CARS2: variants seen among roughly 807,000 people sequenced by gnomAD.
CARS2 encodes probable cysteine--tRNA ligase, mitochondrial.
CARS2 carries 52 observed loss-of-function variants against 68.8 expected under a neutral mutation model. The observed-to-expected ratio is 0.76, with a 90% CI of 0.61 to 0.95. The LOEUF (loss-of-function observed/expected upper bound fraction) is 0.95. CARS2 is among the 40% of genes least tolerant of loss of function. The pLI is 0.00. For missense variants in CARS2, 780 were observed against 754.2 expected, an observed-to-expected ratio of 1.03 and a Z score of -0.40; for synonymous variants, 314 against 303.6, an observed-to-expected ratio of 1.03 and a Z score of -0.36.
At chr13:110,709,268 A>T (rs1344592181), upstream of CARS2, among the ~76,000 whole-genome samples, 3 of 151,272 alleles carry the variant, frequency 2.0e-5, no homozygotes, top group African/African-American at 7.3e-5. Context: ...CTAATTTTGT[A>T]TTTTTAGTAC....
chr13:110,649,187 G>A (rs1046867971), intron 10 of CARS2: 16 of 152,410 alleles, frequency 1.0e-4, no homozygotes, highest in African/African-American at 3.6e-4. Context: ...AGGCGAGCAC[G>A]AGGCTGGCCA....
intron 6 of CARS2, among the ~76,000 whole-genome samples, chr13:110,682,828 C>T (rs376824279): frequency 1.4e-4 from 22 of 152,182 alleles, no homozygotes; most frequent in Non-Finnish European, 2.9e-4. Context: ...GAGCCAGGCA[C>T]GCTGGGGGCG....
At chr13:110,680,155 G>T (rs1403254946) in intron 6 of CARS2, among the ~76,000 whole-genome samples, 2 of 8,240 alleles carry the variant, frequency 2.4e-4, no homozygotes. Context: ...CGAGGGGGGG[G>T]GGGGGGGGGG....
At chr13:110,711,731 G>C (rs980266236) in intron 1 of CARS2, among the ~76,000 whole-genome samples, 17 of 152,350 alleles carry the variant, frequency 1.1e-4, no homozygotes, top group Admixed American at 7.2e-4. Context: ...AGTGTAAAGA[G>C]TATCCATCCA....
intron 8 of CARS2, chr13:110,664,749 C>T: frequency 1.6e-6 from 1 of 642,252 alleles, no homozygotes. Context: ...TAACTGAAGG[C>T]AGGGCCTGTG....
exon 1 of CARS2, chr13:110,713,516 A>G (rs2064064417): frequency 1.0e-6 from 1 of 986,524 alleles, no homozygotes; most frequent in Non-Finnish European, 1.2e-6. Context: ...TCGCCTCTGG[A>G]AAAAGTGACA....
intron 5 of CARS2, among the ~76,000 whole-genome samples, chr13:110,685,756 C>G (rs1489075900): frequency 6.6e-6 from 1 of 152,068 alleles, no homozygotes; most frequent in Non-Finnish European, 1.5e-5. Context: ...AGGCTGTGGT[C>G]AGGGTTTGCA....
At chr13:110,675,500 T>C (rs1202430854) in intron 7 of CARS2, among the ~76,000 whole-genome samples, 4 of 152,022 alleles carry the variant, frequency 2.6e-5, no homozygotes, top group Non-Finnish European at 4.4e-5. Flanking sequence ...TAGGTAGGAA[T>C]TGAACAATGA....
rs1229042868 is a variant in CARS2, at chr13:110,668,798, C to T, written c.786-1325G>A. On this transcript the variant is annotated intron_variant, in intron 7 of 14. Coordinates refer to ENST00000257347, the MANE Select transcript of CARS2 (RefSeq NM_024537.4). The surrounding 1 kb of genome is among the most constrained non-coding windows in gnomAD (Gnocchi z 4.1). ...AGTTTCGCTCCTGATCTCTACGTTACACCTATTTTAAAATCAGAGAAGGCT... is the reference window on the plus strand; with the variant it reads ...AGTTTCGCTCCTGATCTCTACGTTATACCTATTTTAAAATCAGAGAAGGCT... 6.6e-6 allele frequency among the ~76,000 whole-genome samples: 1 copy of T among 152,218 alleles called. No homozygotes were observed. Among genetic ancestry groups the T allele is most frequent in the Admixed American group, 6.5e-5 (1 of 15,286 alleles).
chr13:110,681,835 G>C (rs2063165203), intron 6 of CARS2, among the ~76,000 whole-genome samples: 1 of 152,212 alleles, frequency 6.6e-6, no homozygotes, highest in African/African-American at 2.4e-5. Context: ...AGGGTGCACA[G>C]TGTATGACTC....
chr13:110,647,373 C>A, intron 10 of CARS2, 134 bp from the exon 11 acceptor site: 1 of 1,111,632 alleles, frequency 9.0e-7, no homozygotes, highest in Non-Finnish European at 1.3e-6. Context: ...GGCTCTCACG[C>A]CCTCCAGTGA....
rs372433704 is a variant in CARS2, at chr13:110,693,654, C to T, written c.394-5636G>A. ...GATTACAGGCGTGAGCCACCGTGTC[C>T]GGCTGGAAACTCATATTCTAAAAGT... is the stretch of plus-strand genomic sequence containing the variant. On this transcript the variant is annotated intron_variant, in intron 3 of 14. Coordinates refer to ENST00000257347, the MANE Select transcript of CARS2 (RefSeq NM_024537.4). Among the ~76,000 whole-genome samples the T allele has an allele frequency of 7.9e-5, 12 of 151,960 alleles. No individual in the cohort carries two copies. In the East Asian group the frequency reaches 1.9e-3, roughly 25 times the overall value.
Position 110,642,449 on chromosome 13 carries a change from C to T in CARS2, c.1489G>A (p.Val497Ile), listed in dbSNP as rs146355429. The change falls in exon 14 of 15, where the codon GTC becomes ATC. Residue 497 changes from valine to isoleucine, a missense_variant. Val to Ile is a conservative substitution (Grantham distance 29, BLOSUM62 3). Transcript: ENST00000257347. ...GGCATGGCCAGCGCAAACTGCCGGA[C>T]CTTCTGCCGGAACCGCACCAGCTCG... ...VDELVRFRQK[V>I]RQFALAMPEA... is the part of the protein sequence containing the mutation. 6.7e-4 allele frequency: 1,084 copies of T among 1,608,110 alleles called. 9 individuals are homozygous for T. The African/African-American group carries it at 0.013, about 19-fold the overall frequency.
intron 11 of CARS2, 128 bp from the exon 12 acceptor site, chr13:110,646,218 C>T: frequency 9.2e-7 from 1 of 1,092,342 alleles, no homozygotes; most frequent in Non-Finnish European, 1.3e-6. Context: ...AGGTCATATT[C>T]CCAAAGACTT....
chr13:110,677,471 C>G lies in CARS2; in HGVS notation c.656-368G>C, dbSNP rs1249286677. ...AATCACCCCACCACGGACACGCAGA[C>G]AGTCACCCCACCACAGAAACTCAGT... is the stretch of plus-strand genomic sequence containing the variant. On this transcript the variant is annotated intron_variant, in intron 6 of 14. Transcript: ENST00000257347. Among the ~76,000 whole-genome samples the G allele has an allele frequency of 3.4e-5, 5 of 145,980 alleles. No individual in the cohort carries two copies. In the South Asian group the frequency reaches 1.1e-3, roughly 33 times the overall value.
At chr13:110,650,896 C>T in intron 10 of CARS2, 138 bp downstream of exon 10, 1 of 666,128 alleles carries the variant, frequency 1.5e-6, no homozygotes, top group Non-Finnish European at 2.6e-6. Context: ...CACTCTCAAC[C>T]CGAACCGTAA....
chr13:110,695,042 C>T (rs1007039633), intron 3 of CARS2, among the ~76,000 whole-genome samples: 3 of 151,986 alleles, frequency 2.0e-5, no homozygotes, highest in Admixed American at 2.0e-4. Flanking sequence ...CAGCACTTTG[C>T]GAGGCCAAGG....
Position 110,678,869 on chromosome 13 carries a change from G to C in CARS2, c.656-1766C>G, listed in dbSNP as rs369935596. On this transcript the variant is annotated intron_variant, in intron 6 of 14. Coordinates refer to ENST00000257347, the MANE Select transcript of CARS2 (RefSeq NM_024537.4). ...GGAAGAGTGGACGGGGCTACAGAAG[G>C]CAGCGCAGGCGGAGGCTGGGCACTC... 1.4e-4 allele frequency among the ~76,000 whole-genome samples: 21 copies of C among 152,282 alleles called. 1 individual carries two copies. In the South Asian group the frequency reaches 4.1e-3, roughly 30 times the overall value.
At chr13:110,658,866 T>C (rs187769837) in intron 9 of CARS2, among the ~76,000 whole-genome samples, 2 of 152,132 alleles carry the variant, frequency 1.3e-5, no homozygotes, top group East Asian at 1.9e-4. Flanking sequence ...GAGGTGGAGG[T>C]TGCAGTGAGC....
Sources: allele counts gnomAD v4.1 joint callset (sites outside exome capture counted in the v4.1 genomes callset), GRCh38; gene constraint gnomAD v4.1.1; non-coding constraint Gnocchi (gnomAD v3.1); transcripts MANE v1.5; gene names NCBI Gene and HGNC (gene_info 2026-07-23, HGNC 2026-07-21).